The following DLGAP2 variants were observed in gnomAD, a reference collection of about 807,000 sequenced individuals.
The protein encoded by DLGAP2 is disks large-associated protein 2.
Under a neutral mutation model 100.3 loss-of-function variants are expected in DLGAP2, and 26 were observed. The ratio of observed to expected loss-of-function variants is 0.26; its 90% confidence interval spans 0.19 to 0.36. The LOEUF is 0.36. DLGAP2 is among the 10% of genes least tolerant of loss of function. DLGAP2 has a pLI of 1.00. For missense variants in DLGAP2, 1,858 were observed against 1,453.2 expected, an observed-to-expected ratio of 1.28 and a Z score of -4.53; for synonymous variants, 886 against 630.1, an observed-to-expected ratio of 1.41 and a Z score of -6.08.
At chr8:1,384,956 AC>A (rs1184234781) in intron 3 of DLGAP2, among the ~76,000 whole-genome samples, 1 of 83,100 alleles carries the variant, frequency 1.2e-5, no homozygotes, top group Non-Finnish European at 2.3e-5. Context: ...TGGTGCAGTT[AC>A]CCCGGCCTGT....
At chr8:1,130,619 C>T (rs1185839094) in intron 2 of DLGAP2, among the ~76,000 whole-genome samples, 1 of 152,212 alleles carries the variant, frequency 6.6e-6, no homozygotes, top group East Asian at 1.9e-4. Flanking sequence ...GGGTGTTTAC[C>T]AGGAGGCTGT....
At chr8:1,290,148 G>A (rs763063466) in intron 3 of DLGAP2, among the ~76,000 whole-genome samples, 1 of 152,168 alleles carries the variant, frequency 6.6e-6, no homozygotes, top group Non-Finnish European at 1.5e-5. Flanking sequence ...ATTACATAAC[G>A]TGTGACATGA....
At chr8:856,189 T>TC (rs1563065837) in intron 1 of DLGAP2, among the ~76,000 whole-genome samples, 71 of 147,246 alleles carry the variant, frequency 4.8e-4, no homozygotes, top group Middle Eastern at 6.9e-3. Context: ...CTTCTTCTTT[T>TC]TTTTTTTTTT....
At chr8:1,560,284 G>T (rs953126885) in intron 5 of DLGAP2, among the ~76,000 whole-genome samples, 6 of 152,122 alleles carry the variant, frequency 3.9e-5, no homozygotes, top group African/African-American at 1.2e-4. Context: ...CCCCTCATGA[G>T]CATCTTTTCA....
At chr8:1,596,716 G>C (rs1286728451) in intron 6 of DLGAP2, among the ~76,000 whole-genome samples, 2 of 152,006 alleles carry the variant, frequency 1.3e-5, no homozygotes, top group Admixed American at 6.5e-5. Context: ...TTTATGATTG[G>C]GTTGTTAGGT....
At chr8:1,337,910 T>G (rs539435497) in intron 3 of DLGAP2, among the ~76,000 whole-genome samples, 1 of 152,346 alleles carries the variant, frequency 6.6e-6, no homozygotes, top group African/African-American at 2.4e-5. Context: ...AAAGAAGGCC[T>G]GCAAATGTTC....
intron 9 of DLGAP2, 111 bp from the exon 10 acceptor site, chr8:1,669,632 C>G: frequency 1.3e-6 from 1 of 754,580 alleles, no homozygotes; most frequent in Non-Finnish European, 2.5e-6. Context: ...GAGAGCCGGG[C>G]CCGTGCGGCG....
In DLGAP2 at chr8:1,055,485, A is replaced by G. The variant is rs187670153; in HGVS notation, c.73+147519A>G. Among the ~76,000 whole-genome samples, 118 of 152,348 alleles carry G rather than the reference A, an allele frequency of 7.7e-4. 1 individual carries two copies. The highest frequency in any genetic ancestry group is 2.7e-3 in the African/African-American group (113 of 41,570). On this transcript the variant is annotated intron_variant, in intron 2 of 14. Coordinates refer to ENST00000637795, the MANE Select transcript of DLGAP2 (RefSeq NM_001346810.2). ...TCTGGTTTACTGTTAGGATGAGATA[A>G]AATATTTTTCTACTTAAAGTCTGTT...
At chr8:1,098,417 C>A (rs989125554) in intron 2 of DLGAP2, among the ~76,000 whole-genome samples, 1 of 152,204 alleles carries the variant, frequency 6.6e-6, no homozygotes, top group Non-Finnish European at 1.5e-5. Context: ...CTCCTCCTCA[C>A]GAGGGCCTCC....
intron 2 of DLGAP2, among the ~76,000 whole-genome samples, chr8:966,077 C>A (rs756504442): frequency 6.6e-6 from 1 of 152,226 alleles, no homozygotes; most frequent in African/African-American, 2.4e-5. Flanking sequence ...CACAGCTTCT[C>A]GCCAGACTCC....
chr8:1,455,583 C>G (rs552566584), intron 3 of DLGAP2, among the ~76,000 whole-genome samples: 1 of 152,354 alleles, frequency 6.6e-6, no homozygotes, highest in Admixed American at 6.5e-5. Context: ...TTCCTTGCAG[C>G]CTCGGTGGAG....
chr8:1,190,045 G>A (rs1432544411), intron 2 of DLGAP2, among the ~76,000 whole-genome samples: 1 of 152,212 alleles, frequency 6.6e-6, no homozygotes, highest in Non-Finnish European at 1.5e-5. Flanking sequence ...ACTGAGAGTT[G>A]GCAGGCTAAT....
At chr8:1,023,861 G>A (rs1369115016) in intron 2 of DLGAP2, among the ~76,000 whole-genome samples, 13 of 130,228 alleles carry the variant, frequency 1.0e-4, no homozygotes, top group African/African-American at 4.9e-4. Context: ...TTATATATGT[G>A]TGTGTGTGTG....
chr8:1,638,480 GCACGGGAGGACTAA>G (rs1054025296), intron 8 of DLGAP2, among the ~76,000 whole-genome samples: 55 of 152,260 alleles, frequency 3.6e-4, no homozygotes, highest in African/African-American at 1.3e-3. Flanking sequence ...TGTTACGGCA[GCACGGGAGGACTAA>G]CACGGGGGCC....
chr8:1,174,211 A>C (rs1797199745), intron 2 of DLGAP2, among the ~76,000 whole-genome samples: 1 of 152,144 alleles, frequency 6.6e-6, no homozygotes, highest in Non-Finnish European at 1.5e-5. Flanking sequence ...AAGGAAAAAC[A>C]GAAAAATTGC....
In DLGAP2 at chr8:1,697,157, C is replaced by G. The variant is rs553757681; in HGVS notation, c.2807C>G (p.Ala936Gly). 3 of 1,589,804 alleles carry G rather than the reference C, an allele frequency of 1.9e-6. No homozygotes were observed. Among genetic ancestry groups the G allele is most frequent in the Admixed American group, 3.4e-5 (2 of 57,972 alleles). The change falls in exon 14 of 15, where the codon GCC becomes GGC. Residue 936 changes from alanine (A) to glycine (G), a missense_variant. Coordinates refer to ENST00000637795, the MANE Select transcript of DLGAP2 (RefSeq NM_001346810.2). Reference protein sequence around the residue: ...WLCQQNMDPSAMPRPTSQDLA... With the variant: ...WLCQQNMDPSGMPRPTSQDLA... ...TGTGTGTGTCCCCAGGACCCCAGCG[C>G]CATGCCGAGGCCGACGTCGCAGGAC...
At chr8:1,441,947 A>G (rs953777591) in intron 3 of DLGAP2, among the ~76,000 whole-genome samples, 7 of 152,176 alleles carry the variant, frequency 4.6e-5, no homozygotes, top group Non-Finnish European at 1.0e-4. Flanking sequence ...GGACAAGATC[A>G]TGTATTTTGC....
At chr8:1,068,315 A>T (rs543392757) in intron 2 of DLGAP2, among the ~76,000 whole-genome samples, 2 of 152,330 alleles carry the variant, frequency 1.3e-5, no homozygotes, top group East Asian at 3.9e-4. Context: ...CTGGGTAAAT[A>T]TGAAGGCATG....
chr8:981,711 G>C (rs1390154669), intron 2 of DLGAP2, among the ~76,000 whole-genome samples: 1 of 152,082 alleles, frequency 6.6e-6, no homozygotes, highest in East Asian at 1.9e-4. Flanking sequence ...TTATCCATTT[G>C]TTCATCTTTG....
Sources: allele counts gnomAD v4.1 joint callset (sites outside exome capture counted in the v4.1 genomes callset), GRCh38; gene constraint gnomAD v4.1.1; transcripts MANE v1.5; gene names NCBI Gene and HGNC (gene_info 2026-07-23, HGNC 2026-07-21).